The following CXADR variants were observed in gnomAD, a reference collection of about 807,000 sequenced individuals.
The protein encoded by CXADR is coxsackievirus and adenovirus receptor.
In CXADR, 20 loss-of-function variants were observed where a neutral mutation model predicts 40.3. That is an observed-to-expected ratio of 0.50 (90% CI 0.35 to 0.72). CXADR has a LOEUF of 0.72. Ranked by LOEUF, CXADR falls within the 30% of genes least tolerant of loss-of-function variation. The probability of loss-of-function intolerance (pLI) is 0.01; values close to 1 mark genes in which losing one functional copy is unlikely to be tolerated. For synonymous variants in CXADR, 150 were observed against 161.3 expected (o/e 0.93, Z 0.53); for missense variants, 332 against 449.1 (o/e 0.74, Z 2.36).
rs575543944 is a variant in CXADR, at chr21:17,568,540, G to T, written c.*2848G>T. ...TAATTTGAAGAGAAATGTTACTGTA[G>T]AATATATAGTTCTGTACTTTTTTTT... On this transcript the variant is annotated 3_prime_UTR_variant, in exon 7 of 7. Coordinates refer to ENST00000284878, the MANE Select transcript of CXADR (RefSeq NM_001338.5). 2.8e-4 allele frequency: 273 copies of T among 974,932 alleles called. 1 individual carries two copies. The African/African-American group carries it at 4.6e-3, about 16-fold the overall frequency. The allele number at this position is 974,932 out of a possible 1,614,324, so 60.4% of individuals were successfully genotyped here.
rs368750941 is a variant in CXADR, at chr21:17,519,079, A to T, written c.43+5907A>T. 5.3e-4 allele frequency: 489 copies of T among 922,496 alleles called. 1 individual carries two copies. Among genetic ancestry groups the T allele is most frequent in the African/African-American group, 4.9e-3 (299 of 61,256 alleles). The allele number at this position is 922,496 out of a possible 1,614,324, so 57.1% of individuals were successfully genotyped here. A position where few individuals can be genotyped will look rare whatever the true frequency, so the allele number is the denominator to read the frequency against. On this transcript the variant is annotated intron_variant, in intron 1 of 6. Transcript: ENST00000284878. ...TGGCTGCCCGATATGCCCCCTCTTAATCTTTTCATTCCTGCGATTATACCA... is the reference window on the plus strand; with the variant it reads ...TGGCTGCCCGATATGCCCCCTCTTATTCTTTTCATTCCTGCGATTATACCA...
the CXADR span, among the ~76,000 whole-genome samples, chr21:17,607,582 G>A: frequency 1.3e-5 from 2 of 152,168 alleles, no homozygotes; most frequent in Non-Finnish European, 2.9e-5. Context: ...CAGTACATGA[G>A]AAATTAGCAA....
intron 4 of CXADR, among the ~76,000 whole-genome samples, chr21:17,559,379 C>A (rs542635013): frequency 6.6e-6 from 1 of 151,726 alleles, no homozygotes; most frequent in South Asian, 2.1e-4. Context: ...GAGACAGGAT[C>A]TCCCTGCGTT....
chr21:17,632,347 G>A, the CXADR span, among the ~76,000 whole-genome samples: 1 of 151,972 alleles, frequency 6.6e-6, no homozygotes, highest in East Asian at 1.9e-4. Flanking sequence ...GAGCTCAGAG[G>A]GAAACTTAAG....
At chr21:17,579,707 G>A (rs1276725565) in intron 7 of CXADR, among the ~76,000 whole-genome samples, 1 of 152,198 alleles carries the variant, frequency 6.6e-6, no homozygotes, top group African/African-American at 2.4e-5. Context: ...GAATGGGAGA[G>A]AGAAGAGGCT....
chr21:17,622,995 G>A, the CXADR span, among the ~76,000 whole-genome samples: 2 of 152,084 alleles, frequency 1.3e-5, no homozygotes, highest in African/African-American at 4.8e-5. Flanking sequence ...ATTAAGTGAT[G>A]ACTCTTTTTT....
At chr21:17,584,005 T>G (rs562219496) in intron 7 of CXADR, among the ~76,000 whole-genome samples, 36 of 152,362 alleles carry the variant, frequency 2.4e-4, no homozygotes, top group Non-Finnish European at 4.4e-5. Flanking sequence ...CTTTCGAGGC[T>G]TGCATACATA....
chr21:17,536,753 A>G, intron 1 of CXADR, among the ~76,000 whole-genome samples: 1 of 151,996 alleles, frequency 6.6e-6, no homozygotes, highest in East Asian at 1.9e-4. Context: ...AGTAAAGTGC[A>G]TTATTTATTT....
rs192609994 is a variant in CXADR at position 17,560,117 on chromosome 21, C to T, written c.572-585C>T. On this transcript the variant is annotated intron_variant, in intron 4 of 6. Coordinates refer to ENST00000284878, the MANE Select transcript of CXADR (RefSeq NM_001338.5). The stretch of plus-strand genomic sequence containing the variant: ...TGTGTCTGTAAATTAAAAGAAAACC[C>T]GTGTGACACTAACTAGAAAGTTACA... Among the ~76,000 whole-genome samples the T allele has an allele frequency of 5.9e-5, 9 of 152,138 alleles. No homozygotes were observed. In the East Asian group the frequency reaches 1.2e-3, roughly 20 times the overall value.
chr21:17,597,040 T>C (rs527660123), downstream of CXADR, among the ~76,000 whole-genome samples: 8 of 152,198 alleles, frequency 5.3e-5, no homozygotes, highest in South Asian at 1.7e-3. Flanking sequence ...TGCACTAGCT[T>C]TCACACAAGT....
intron 7 of CXADR, among the ~76,000 whole-genome samples, chr21:17,583,044 C>G (rs928559496): frequency 9.2e-5 from 14 of 152,278 alleles, no homozygotes; most frequent in African/African-American, 3.4e-4. Flanking sequence ...AATTTGCAAC[C>G]TGTTGGGAAA....
chr21:17,569,061 G>A lies in CXADR; in HGVS notation c.*3369G>A. Reference sequence around the variant, plus strand: ...AAGTAAAGGGGCAAGTAAACCTTTTGATGAAATATAAAAGGAACTCATTGC... The same window carrying A: ...AAGTAAAGGGGCAAGTAAACCTTTTAATGAAATATAAAAGGAACTCATTGC... On this transcript the variant is annotated 3_prime_UTR_variant, in exon 7 of 7. Transcript: ENST00000284878. 1.0e-6 allele frequency: 1 copy of A among 985,390 alleles called. No homozygotes were observed. Among genetic ancestry groups the A allele is most frequent in the Non-Finnish European group, 1.2e-6 (1 of 829,920 alleles). The allele number at this position is 985,390 out of a possible 1,614,324, so 61.0% of individuals were successfully genotyped here.
Position 17,569,945 on chromosome 21 carries a change from T to C in CXADR, c.*4253T>C, listed in dbSNP as rs2061263215. The C allele has an allele frequency of 4.1e-6, 4 of 985,464 alleles. No individual in the cohort carries two copies. Among genetic ancestry groups the C allele is most frequent in the Non-Finnish European group, 4.8e-6 (4 of 829,932 alleles). 61.0% of individuals were successfully genotyped at this position (985,464 alleles called of 1,614,324 possible). Reference sequence around the variant, plus strand: ...ACTTCACGTGTGCAAAGTATAGAACTGACAGTGTCAGTTTCAGATTTTGTA... The same window carrying C: ...ACTTCACGTGTGCAAAGTATAGAACCGACAGTGTCAGTTTCAGATTTTGTA... On this transcript the variant is annotated 3_prime_UTR_variant, in exon 7 of 7. Transcript: ENST00000284878.
At chr21:17,558,946 T>C (rs780057728) in intron 3 of CXADR, 30 bp from the exon 4 acceptor site, 5 of 1,587,664 alleles carry the variant, frequency 3.1e-6, no homozygotes, top group Non-Finnish European at 4.3e-6. Flanking sequence ...CATTCTCTTA[T>C]GTAAATTTAT....
intron 3 of CXADR, 122 bp downstream of exon 3, chr21:17,552,075 T>TG (rs2060976495): frequency 2.8e-6 from 2 of 721,488 alleles, no homozygotes; most frequent in East Asian, 5.5e-5. Context: ...TTTAAACACT[T>TG]GAAGTACTTC....
chr21:17,534,285 CG>C (rs2060725185), intron 1 of CXADR, among the ~76,000 whole-genome samples: 1 of 151,154 alleles, frequency 6.6e-6, no homozygotes, highest in East Asian at 1.9e-4. Flanking sequence ...TTAGTAGAGA[CG>C]GGGTTTCGCC....
At chr21:17,604,786 G>A in the CXADR span, 19 of 1,493,866 alleles carry the variant, frequency 1.3e-5, no homozygotes, top group Non-Finnish European at 1.5e-5. Context: ...ACACAGGCAG[G>A]CCGTACATGA....
At chr21:17,554,932 T>C (rs1008019729) in intron 3 of CXADR, among the ~76,000 whole-genome samples, 5 of 152,186 alleles carry the variant, frequency 3.3e-5, no homozygotes, top group African/African-American at 7.2e-5. Flanking sequence ...TTGTGTGTTA[T>C]GTGGCCGTTA....
the CXADR span, chr21:17,605,145 G>T: frequency 1.1e-6 from 1 of 888,766 alleles, no homozygotes; most frequent in Non-Finnish European, 1.6e-6. Context: ...ATCCTAAACA[G>T]ATAATAAATG....
Sources: gnomAD v4.1 joint callset for allele counts (sites outside exome capture counted in the v4.1 genomes callset) on GRCh38, gnomAD v4.1.1 for gene constraint, MANE v1.5 for transcripts, NCBI Gene and HGNC (gene_info 2026-07-23, HGNC 2026-07-21) for gene names.